PCNT: variants seen among roughly 807,000 people sequenced by gnomAD.
PCNT encodes the protein pericentrin, also known as kendrin.
Under a neutral mutation model 380.4 loss-of-function variants are expected in PCNT, and 319 were observed. The ratio of observed to expected loss-of-function variants is 0.84; its 90% confidence interval spans 0.77 to 0.92. PCNT has a LOEUF of 0.92. Among genes scored for constraint, PCNT ranks in the 40% least tolerant of loss-of-function variants. PCNT has a pLI of 0.00. For synonymous variants in PCNT, 1,845 were observed against 1,735.2 expected (o/e 1.06, Z -1.57); for missense variants, 4,400 against 4,255.3 (o/e 1.03, Z -0.95).
chr21:46,427,047 G>A (rs537960491), intron 33 of PCNT, among the ~76,000 whole-genome samples: 7 of 152,328 alleles, frequency 4.6e-5, no homozygotes, highest in South Asian at 4.1e-4. Flanking sequence ...GGTGCTGCAC[G>A]CTGCCCCTGG....
intron 1 of PCNT, 132 bp from the exon 2 acceptor site, chr21:46,326,245 T>A: frequency 6.6e-6 from 5 of 754,150 alleles, no homozygotes; most frequent in Non-Finnish European, 1.2e-5. Flanking sequence ...AGCCATCTGT[T>A]GGCCAGGTGT....
At chr21:46,420,261 C>T (rs2087197252) in intron 31 of PCNT, among the ~76,000 whole-genome samples, 1 of 152,178 alleles carries the variant, frequency 6.6e-6, no homozygotes, top group African/African-American at 2.4e-5. Flanking sequence ...TTTTGTAATT[C>T]CTGTTATTCA....
chr21:46,329,611 G>T (rs1462956051), intron 2 of PCNT, among the ~76,000 whole-genome samples: 1 of 152,172 alleles, frequency 6.6e-6, no homozygotes, highest in Non-Finnish European at 1.5e-5. Context: ...TGCACTTGCT[G>T]CATTTTGTGT....
At chr21:46,404,855 A>C (rs2086577535) in intron 27 of PCNT, among the ~76,000 whole-genome samples, 1 of 152,116 alleles carries the variant, frequency 6.6e-6, no homozygotes, top group Admixed American at 6.5e-5. Context: ...GAATCACTTG[A>C]ACCCAGGAGA....
At chr21:46,351,134 C>T (rs1047729957) in intron 8 of PCNT, among the ~76,000 whole-genome samples, 8 of 152,170 alleles carry the variant, frequency 5.3e-5, no homozygotes, top group Non-Finnish European at 1.0e-4. Flanking sequence ...GATGAAACTG[C>T]ACCGCTGCGG....
At chr21:46,445,263 C>T in intron 46 of PCNT, 21 bp from the exon 47 acceptor site, 1 of 1,583,392 alleles carries the variant, frequency 6.3e-7, no homozygotes. Flanking sequence ...AATTTGCTGC[C>T]TCATTTTTAT....
intron 14 of PCNT, among the ~76,000 whole-genome samples, chr21:46,364,224 G>T (rs542728015): frequency 1.3e-5 from 2 of 151,178 alleles, no homozygotes; most frequent in South Asian, 2.1e-4. Context: ...CCCCCTGGCC[G>T]CAGTGGGACA....
chr21:46,370,471 C>T (rs2085080836), intron 15 of PCNT, among the ~76,000 whole-genome samples: 1 of 148,702 alleles, frequency 6.7e-6, no homozygotes, highest in South Asian at 2.1e-4. Flanking sequence ...TGCCTGCCAG[C>T]TGATGATGGC....
Position 46,437,027 on chromosome 21 carries a change from A to G in PCNT, c.9045A>G (p.Leu3015=), listed in dbSNP as rs1401304728. Residue 3015 remains leucine, a synonymous_variant, in exon 40 of 47, where the codon TTA becomes TTG. Coordinates refer to ENST00000359568, the MANE Select transcript of PCNT (RefSeq NM_006031.6). ...TSSNEKAVMS[L]LHTLEELKSD... Reference sequence around the variant, plus strand: ...CCAATGAGAAAGCAGTGATGTCTTTACTGCACACGTTGGAGGAGCTGAAGT... The same window carrying G: ...CCAATGAGAAAGCAGTGATGTCTTTGCTGCACACGTTGGAGGAGCTGAAGT... The G allele has an allele frequency of 6.2e-6, 10 of 1,614,186 alleles. No individual in the cohort carries two copies. Among genetic ancestry groups the G allele is most frequent in the Non-Finnish European group, 7.6e-6 (9 of 1,180,012 alleles).
Position 46,326,417 on chromosome 21 carries a change from C to G in PCNT, c.95C>G (p.Ser32Trp). The change falls in exon 2 of 47, where the codon TCG becomes TGG. Residue 32 changes from serine to tryptophan, a missense_variant. Coordinates refer to ENST00000359568, the MANE Select transcript of PCNT (RefSeq NM_006031.6). ...CAGAGAAAAACAAAAGGTGACAGTT[C>G]GCATTCGGAGAAAAAGACGGCGAAG... ...FRQRKTKGDS[S>W]HSEKKTAKRK... The G allele has an allele frequency of 1.9e-6, 3 of 1,614,178 alleles. No homozygotes were observed. The highest frequency in any genetic ancestry group is 2.5e-6 in the Non-Finnish European group (3 of 1,180,042).
intron 17 of PCNT, among the ~76,000 whole-genome samples, chr21:46,387,077 G>C (rs913607202): frequency 6.6e-6 from 1 of 152,234 alleles, no homozygotes; most frequent in Non-Finnish European, 1.5e-5. Flanking sequence ...TTGTGCTGCT[G>C]TGTCCTGAAG....
At chr21:46,368,362 G>T (rs1488259858) in intron 15 of PCNT, among the ~76,000 whole-genome samples, 1 of 151,866 alleles carries the variant, frequency 6.6e-6, no homozygotes, top group African/African-American at 2.4e-5. Flanking sequence ...GCAGGAGAAT[G>T]ATGTGAACCC....
intron 21 of PCNT, among the ~76,000 whole-genome samples, chr21:46,396,186 G>T (rs1451410902): frequency 6.6e-6 from 1 of 152,248 alleles, no homozygotes; most frequent in African/African-American, 2.4e-5. Context: ...CTTGGGCCGG[G>T]GCTTCGCCAC....
At position 46,442,498 on chromosome 21, in the gene PCNT, T is replaced by C. The variant is rs766952716; in HGVS notation, c.9625T>C (p.Leu3209=). 6.3e-7 allele frequency: 1 copy of C among 1,597,654 alleles called. No individual in the cohort carries two copies. ...AVRVVIAILR[L]RFLVKKWQEV... ...GTGTCTTGTCTCTTTTTTTTGTAGA[T>C]TACGTTTTTTGGTTAAGAAATGGCA... The change falls in exon 44 of 47, where the codon TTA becomes CTA. Residue 3209 remains leucine (L), a splice_region_variant and synonymous_variant. Transcript: ENST00000359568.
chr21:46,432,444 T>G (rs143150108), intron 38 of PCNT, among the ~76,000 whole-genome samples: 1 of 152,348 alleles, frequency 6.6e-6, no homozygotes, highest in East Asian at 1.9e-4. Context: ...CAAGATAGTT[T>G]CAGCTCTGTG....
Position 46,416,583 on chromosome 21 carries a change from C to G in PCNT, c.6665C>G (p.Ser2222Cys). The change falls in exon 30 of 47, where the codon TCT (serine) becomes TGT (cysteine). Residue 2222 changes from serine to cysteine, a missense_variant. By Grantham distance (112) the Ser-to-Cys change is moderately radical. Coordinates refer to ENST00000359568, the MANE Select transcript of PCNT (RefSeq NM_006031.6). ...AGCCCGGTCGGGATGCTGGACCTGT[C>G]TTCCTGGAGCTCCCCTGAGGTCCTC... ...RKSPVGMLDL[S>C]SWSSPEVLRK... 1 of 1,608,284 alleles carries G rather than the reference C, an allele frequency of 6.2e-7. No individual in the cohort carries two copies. The highest frequency in any genetic ancestry group is 2.2e-5 in the East Asian group (1 of 44,846).
chr21:46,389,103 G>A (rs1234341358), intron 18 of PCNT, 96 bp from the exon 19 acceptor site: 48 of 1,367,996 alleles, frequency 3.5e-5, no homozygotes, highest in Admixed American at 2.1e-4. Flanking sequence ...CTGGGGCGAC[G>A]TTCTGAGTTC....
At chr21:46,358,020 C>T (rs1375654883) in intron 13 of PCNT, among the ~76,000 whole-genome samples, 2 of 152,220 alleles carry the variant, frequency 1.3e-5, no homozygotes, top group African/African-American at 2.4e-5. Context: ...ACAGCCAGGG[C>T]AGCTCAGGGT....
In PCNT at chr21:46,363,838, A is replaced by G; in HGVS notation, c.2513A>G (p.Gln838Arg). The G allele has an allele frequency of 3.1e-6, 5 of 1,612,100 alleles. No individual in the cohort carries two copies. The highest frequency in any genetic ancestry group is 4.2e-6 in the Non-Finnish European group (5 of 1,179,082). The change falls in exon 14 of 47, where the codon CAG becomes CGG. Residue 838 changes from glutamine to arginine, a missense_variant. By Grantham distance (43) the Gln-to-Arg change is conservative. Coordinates refer to ENST00000359568, the MANE Select transcript of PCNT (RefSeq NM_006031.6). ...TCAGACGACGCCCTGCATTGCAGCC[A>G]GTGTGGGCGGGAGCCGCCCACAGCC... is the stretch of plus-strand genomic sequence containing the variant. ...LTSDDALHCS[Q>R]CGREPPTAQD... is the part of the protein sequence containing the mutation.
Sources: allele counts gnomAD v4.1 joint callset (sites outside exome capture counted in the v4.1 genomes callset), GRCh38; gene constraint gnomAD v4.1.1; transcripts MANE v1.5; gene names NCBI Gene and HGNC (gene_info 2026-07-23, HGNC 2026-07-21).